Variants in ZFP91 observed in about 807,000 individuals in gnomAD.
ZFP91 encodes ZFP91 zinc finger protein, atypical E3 ubiquitin ligase.
ZFP91 carries 7 observed loss-of-function variants against 63.5 expected under a neutral mutation model. The ratio of observed to expected loss-of-function variants is 0.11; its 90% CI spans 0.06 to 0.21. The LOEUF is 0.21. ZFP91 is among the 10% of genes least tolerant of loss of function. The pLI, the probability that ZFP91 is intolerant of heterozygous loss-of-function variation, is 1.00. For synonymous variants in ZFP91, 330 were observed against 272.1 expected, an observed-to-expected ratio of 1.21 and a Z score of -2.10; for missense variants, 628 against 736.6, an observed-to-expected ratio of 0.85 and a Z score of 1.71.
chr11:58,614,075 C>T (rs12419118), intron 8 of ZFP91, among the ~76,000 whole-genome samples, 154 bp from the exon 9 acceptor site: 26,965 of 152,088 alleles, frequency 0.18, 2,648 homozygotes, highest in African/African-American at 0.26. Flanking sequence ...GTATTTCCAC[C>T]TATGTTCTTA....
In ZFP91 at chr11:58,579,270, G is replaced by T; in HGVS notation, c.-12G>T. The T allele has an allele frequency of 7.0e-7, 1 of 1,424,274 alleles. No homozygotes were observed. Among genetic ancestry groups the T allele is most frequent in the Non-Finnish European group, 9.1e-7 (1 of 1,098,926 alleles). The allele number at this position is 1,424,274 out of a possible 1,614,324, so 88.2% of individuals were successfully genotyped here. A position where few individuals can be genotyped will look rare whatever the true frequency, so the allele number is the denominator to read the frequency against. ...CGCCTAGGACTAGGGGGTGGGGGAC[G>T]GACAAGCCCCGATGCCGGGGGAGAC... is the stretch of plus-strand genomic sequence containing the variant. On this transcript the variant is annotated 5_prime_UTR_variant, in exon 1 of 11. Coordinates refer to ENST00000316059, the MANE Select transcript of ZFP91 (RefSeq NM_053023.5).
intron 1 of ZFP91, among the ~76,000 whole-genome samples, chr11:58,583,659 A>G (rs1373907770): frequency 2.6e-5 from 4 of 152,188 alleles, no homozygotes; most frequent in Non-Finnish European, 4.4e-5. Flanking sequence ...AAATTTAGCA[A>G]TTATTTCTGC....
chr11:58,610,108 AT>A, intron 3 of ZFP91, 69 bp downstream of exon 3: 1 of 1,560,208 alleles, frequency 6.4e-7, no homozygotes, highest in East Asian at 2.3e-5. Context: ...AATGTTGAAC[AT>A]TTGTGTTAAC....
At chr11:58,612,734 T>TTCA in intron 7 of ZFP91, 28 bp from the exon 8 acceptor site, 1 of 1,517,236 alleles carries the variant, frequency 6.6e-7, no homozygotes, top group East Asian at 2.3e-5. Flanking sequence ...TTTTTTTTGC[T>TTCA]AACTTTTCTT....
chr11:58,599,208 A>T (rs1855454951), intron 2 of ZFP91, among the ~76,000 whole-genome samples: 1 of 151,994 alleles, frequency 6.6e-6, no homozygotes, highest in Non-Finnish European at 1.5e-5. Flanking sequence ...TTCACTGGTT[A>T]ATGGATATTT....
At chr11:58,616,935 G>C (rs1206895121) in intron 10 of ZFP91, 120 bp downstream of exon 10, 3 of 992,840 alleles carry the variant, frequency 3.0e-6, no homozygotes, top group Non-Finnish European at 4.5e-6. Flanking sequence ...TAAATGAGTG[G>C]ATATTGATTG....
rs183317077 is a variant in ZFP91, at chr11:58,585,453, C to T, written c.370+569C>T. Among the ~76,000 whole-genome samples the T allele has an allele frequency of 3.9e-5, 6 of 152,288 alleles. No homozygotes were observed. The East Asian group carries it at 7.7e-4, about 20-fold the overall frequency. On this transcript the variant is annotated intron_variant, in intron 2 of 10. Transcript: ENST00000316059. ...GATTAGGTTATTAAAATTGCCCTAA[C>T]GTGTTGGACCAGTTGCTTATTCGTT...
At chr11:58,593,503 A>T (rs984756550) in intron 2 of ZFP91, among the ~76,000 whole-genome samples, 1 of 152,224 alleles carries the variant, frequency 6.6e-6, no homozygotes, top group East Asian at 1.9e-4. Context: ...ATATTTTTTA[A>T]TGCAAAACTG....
intron 2 of ZFP91, among the ~76,000 whole-genome samples, chr11:58,602,234 T>G (rs769907528): frequency 6.6e-6 from 1 of 152,166 alleles, no homozygotes. Context: ...AATATGTCTG[T>G]TTTTTAACAT....
chr11:58,617,851 C>T lies in ZFP91; in HGVS notation c.*145C>T. 9.1e-7 allele frequency: 1 copy of T among 1,095,848 alleles called. No individual in the cohort carries two copies. The highest frequency in any genetic ancestry group is 1.2e-6 in the Non-Finnish European group (1 of 832,654). 67.9% of individuals were successfully genotyped at this position (1,095,848 alleles called of 1,614,324 possible). On this transcript the variant is annotated 3_prime_UTR_variant, in exon 11 of 11. Transcript: ENST00000316059. The surrounding 1 kb of genome is among the most constrained non-coding windows in gnomAD (Gnocchi z 4.2). ...CATTGTGGATCACAGCACACACATACATACACCCTCCACCTCCCCATCCCC... is the reference window on the plus strand; with the variant it reads ...CATTGTGGATCACAGCACACACATATATACACCCTCCACCTCCCCATCCCC...
At chr11:58,612,525 T>A in intron 7 of ZFP91, 197 bp downstream of exon 7, 1 of 632,764 alleles carries the variant, frequency 1.6e-6, no homozygotes, top group Non-Finnish European at 2.7e-6. Context: ...ACAATCTTAA[T>A]ACTTTACCTT....
rs1255852576 is a variant in ZFP91, at chr11:58,619,256, A to T, written c.*1550A>T. On this transcript the variant is annotated 3_prime_UTR_variant, in exon 11 of 11. Coordinates refer to ENST00000316059, the MANE Select transcript of ZFP91 (RefSeq NM_053023.5). Reference sequence around the variant, plus strand: ...GGGCATCACAATTTCCTTGGGATAGAGGTTGTGTTGGGGAATAGATTGCTT... The same window carrying T: ...GGGCATCACAATTTCCTTGGGATAGTGGTTGTGTTGGGGAATAGATTGCTT... 1 of 152,358 alleles carries T rather than the reference A, an allele frequency of 6.6e-6. No individual in the cohort carries two copies. Among genetic ancestry groups the T allele is most frequent in the Non-Finnish European group, 1.5e-5 (1 of 68,240 alleles). 9.4% of individuals were successfully genotyped at this position (152,358 alleles called of 1,614,324 possible).
At position 58,620,659 on chromosome 11, in the gene ZFP91, G is replaced by T. The variant is rs750211629; in HGVS notation, c.*2953G>T. 11 of 152,542 alleles carry T rather than the reference G, an allele frequency of 7.2e-5. No individual in the cohort carries two copies. The highest frequency in any genetic ancestry group is 1.3e-4 in the Non-Finnish European group (9 of 68,014). 9.4% of individuals were successfully genotyped at this position (152,542 alleles called of 1,614,324 possible). ...CACATAGAGCACTTGAACCTCCTTT[G>T]TACCTGTTTGGGGAAAAAGTATAAT... is the stretch of plus-strand genomic sequence containing the variant. On this transcript the variant is annotated 3_prime_UTR_variant, in exon 11 of 11. Coordinates refer to ENST00000316059, the MANE Select transcript of ZFP91 (RefSeq NM_053023.5).
At chr11:58,590,081 G>C (rs1855278662) in intron 2 of ZFP91, among the ~76,000 whole-genome samples, 1 of 152,194 alleles carries the variant, frequency 6.6e-6, no homozygotes, top group South Asian at 2.1e-4. Context: ...AGAATGCCCT[G>C]ATAGAAGAAA....
intron 2 of ZFP91, among the ~76,000 whole-genome samples, chr11:58,599,231 C>T (rs919440903): frequency 1.3e-4 from 19 of 151,964 alleles, no homozygotes; most frequent in Non-Finnish European, 1.8e-4. Context: ...GTTGTTTCCA[C>T]AATTTGGGTA....
chr11:58,612,191 G>C, intron 6 of ZFP91, 87 bp from the exon 7 acceptor site: 1 of 658,692 alleles, frequency 1.5e-6, no homozygotes, highest in Non-Finnish European at 2.2e-6. Flanking sequence ...TTCTTTGGCC[G>C]TGTGTGTGTG....
chr11:58,597,446 C>G (rs1855421551), intron 2 of ZFP91, among the ~76,000 whole-genome samples: 1 of 152,158 alleles, frequency 6.6e-6, no homozygotes, highest in African/African-American at 2.4e-5. Flanking sequence ...TGCCTGGGAA[C>G]TTGTCTGCTG....
intron 8 of ZFP91, 93 bp from the exon 9 acceptor site, chr11:58,614,136 G>C: frequency 1.4e-6 from 1 of 700,644 alleles, no homozygotes; most frequent in Non-Finnish European, 2.3e-6. Context: ...TAAGTATTTG[G>C]TTTTCCTTCA....
intron 4 of ZFP91, 54 bp from the exon 5 acceptor site, chr11:58,610,896 C>G: frequency 6.5e-7 from 1 of 1,541,120 alleles, no homozygotes; most frequent in South Asian, 1.1e-5. Context: ...ATAAAATCCC[C>G]TCAGACATGT....
Sources: gnomAD v4.1 joint callset for allele counts (sites outside exome capture counted in the v4.1 genomes callset) on GRCh38, gnomAD v4.1.1 for gene constraint, Gnocchi (gnomAD v3.1) non-coding constraint, MANE v1.5 for transcripts, NCBI Gene and HGNC (gene_info 2026-07-23, HGNC 2026-07-21) for gene names.